ST14: variants seen among roughly 807,000 people sequenced by gnomAD.
ST14 encodes ST14 transmembrane serine protease matriptase.
Under a neutral mutation model 96.5 loss-of-function variants are expected in ST14, and 40 were observed. The observed-to-expected ratio is 0.41, with a 90% CI of 0.32 to 0.54. The LOEUF (loss-of-function observed/expected upper bound fraction) is 0.54, where lower values mean the gene tolerates loss of function less well. Among genes scored for constraint, ST14 ranks in the 20% least tolerant of loss-of-function variants. The pLI, the probability that ST14 is intolerant of heterozygous loss-of-function variation, is 0.17. For synonymous variants in ST14, 506 were observed against 492.1 expected (o/e 1.03, Z -0.37); for missense variants, 1,066 against 1,188.9 (o/e 0.90, Z 1.52).
chr11:130,208,792 C>CT (rs899324646), intron 17 of ST14, 108 bp downstream of exon 17: 30 of 1,377,742 alleles, frequency 2.2e-5, no homozygotes, highest in Non-Finnish European at 2.8e-5. Flanking sequence ...TCCAGTCTCC[C>CT]TCTGCCTGGC....
rs184106928 is a variant in ST14 at position 130,198,465 on chromosome 11, A to G, written c.1571-43A>G. ...CCTGGGCGGGCAGGTGGGCGGGGCGACTGACGGTGGCTCCTGGTGGCTGAG... is the reference window on the plus strand; with the variant it reads ...CCTGGGCGGGCAGGTGGGCGGGGCGGCTGACGGTGGCTCCTGGTGGCTGAG... On this transcript the variant is annotated intron_variant, in intron 13 of 18. Coordinates refer to ENST00000278742, the MANE Select transcript of ST14 (RefSeq NM_021978.4). 5,749 of 1,612,994 alleles carry G rather than the reference A, an allele frequency of 3.6e-3. 25 individuals carry two copies. The highest frequency in any genetic ancestry group is 0.018 in the African/African-American group (1,365 of 75,002).
Position 130,208,394 on chromosome 11 carries a change from C to G in ST14, c.1995-16C>G. On this transcript the variant is annotated splice_polypyrimidine_tract_variant and intron_variant, in intron 16 of 18. Transcript: ENST00000278742. ...CCCGAGTGACCGCGCAGTCTCATAGCGGCTCTCCCTACCAGGTACTCAGAC... is the reference window on the plus strand; with the variant it reads ...CCCGAGTGACCGCGCAGTCTCATAGGGGCTCTCCCTACCAGGTACTCAGAC... 1 of 1,613,882 alleles carries G rather than the reference C, an allele frequency of 6.2e-7. No homozygotes were observed. The highest frequency in any genetic ancestry group is 8.5e-7 in the Non-Finnish European group (1 of 1,180,016).
chr11:130,188,194 C>T lies in ST14; in HGVS notation c.162C>T (p.Arg54=). 1.9e-6 allele frequency: 3 copies of T among 1,614,190 alleles called. No homozygotes were observed. Among genetic ancestry groups the T allele is most frequent in the Non-Finnish European group, 2.5e-6 (3 of 1,180,036 alleles). ...AGGTGGAAAAGCATGGCCCGGGGCG[C>T]TGGGTGGTGCTGGCAGCCGTGCTGA... ...VKKVEKHGPG[R]WVVLAAVLIG... is the part of the protein sequence containing the mutation. The change falls in exon 2 of 19, where the codon CGC becomes CGT. Residue 54 remains arginine (R), a synonymous_variant. Coordinates refer to ENST00000278742, the MANE Select transcript of ST14 (RefSeq NM_021978.4). This position sits in a 1 kb window ranked among gnomAD's most constrained non-coding sequence, Gnocchi z 5.4.
At chr11:130,209,051 T>C (rs987546700) in intron 17 of ST14, among the ~76,000 whole-genome samples, 1 of 152,184 alleles carries the variant, frequency 6.6e-6, no homozygotes, top group Non-Finnish European at 1.5e-5. Context: ...AAATGCTAGA[T>C]TGAAAGAATC....
chr11:130,209,411 G>A (rs765725439), intron 17 of ST14, 31 bp from the exon 18 acceptor site: 2 of 1,565,280 alleles, frequency 1.3e-6, no homozygotes, highest in African/African-American at 2.7e-5. Context: ...GAAGCAGCCC[G>A]GCTCTCAGCC....
At chr11:130,194,017 T>G in intron 7 of ST14, 132 bp from the exon 8 acceptor site, 1 of 1,163,730 alleles carries the variant, frequency 8.6e-7, no homozygotes, top group Admixed American at 1.7e-5. Context: ...TTGACTCCAT[T>G]CTTGGCCTCT....
intron 1 of ST14, among the ~76,000 whole-genome samples, chr11:130,172,016 G>A (rs1443856839): frequency 6.6e-6 from 1 of 152,180 alleles, no homozygotes; most frequent in African/African-American, 2.4e-5. Context: ...CAGATGCTAG[G>A]TGCTTATCAT....
chr11:130,208,332 C>A, intron 16 of ST14, 78 bp from the exon 17 acceptor site: 1 of 1,603,290 alleles, frequency 6.2e-7, no homozygotes, highest in Non-Finnish European at 8.5e-7. Context: ...GCGGAATCCT[C>A]TGGGAACGCG....
chr11:130,162,876 G>A (rs957495553), intron 1 of ST14, among the ~76,000 whole-genome samples: 1 of 152,198 alleles, frequency 6.6e-6, no homozygotes, highest in Non-Finnish European at 1.5e-5. Flanking sequence ...TGTGGTGGCA[G>A]GAGGTAACAT....
chr11:130,208,792 C>A, intron 17 of ST14, 108 bp downstream of exon 17: 1 of 1,377,860 alleles, frequency 7.3e-7, no homozygotes, highest in Non-Finnish European at 9.8e-7. Context: ...TCCAGTCTCC[C>A]TCTGCCTGGC....
At chr11:130,176,932 G>T (rs889363518) in intron 1 of ST14, among the ~76,000 whole-genome samples, 3 of 150,918 alleles carry the variant, frequency 2.0e-5, no homozygotes, top group African/African-American at 7.3e-5. Context: ...CTGAGTAGCT[G>T]GGACTACAGG....
chr11:130,208,656 C>T lies in ST14; in HGVS notation c.2241C>T (p.Val747=). Residue 747 remains valine (V), a synonymous_variant, in exon 17 of 19, where the codon GTC becomes GTT. Transcript: ENST00000278742. The part of the protein sequence containing the change: ...HVFPAGKAIW[V]TGWGHTQYGG... ...TCCCTGCCGGCAAGGCCATCTGGGT[C>T]ACGGGCTGGGGACACACCCAGTATG... 1.9e-6 allele frequency: 3 copies of T among 1,613,848 alleles called. No homozygotes were observed. The highest frequency in any genetic ancestry group is 2.5e-6 in the Non-Finnish European group (3 of 1,179,916).
intron 7 of ST14, among the ~76,000 whole-genome samples, chr11:130,192,075 G>A (rs1168863339): frequency 1.3e-5 from 2 of 152,232 alleles, no homozygotes; most frequent in Non-Finnish European, 2.9e-5. Context: ...CCACGTCAGG[G>A]TGGGGCGTAC....
At chr11:130,199,922 T>C (rs1316301973) in intron 15 of ST14, 29 bp from the exon 16 acceptor site, 1 of 1,613,870 alleles carries the variant, frequency 6.2e-7, no homozygotes, top group South Asian at 1.1e-5. Context: ...CTTGACTTGC[T>C]GTCCTCTGGT....
intron 1 of ST14, among the ~76,000 whole-genome samples, chr11:130,176,623 C>A (rs1953140798): frequency 6.6e-6 from 1 of 151,942 alleles, no homozygotes; most frequent in African/African-American, 2.4e-5. Context: ...CTCCTGACCT[C>A]ATGATCCGCC....
intron 1 of ST14, among the ~76,000 whole-genome samples, chr11:130,162,714 C>T (rs1953006753): frequency 1.3e-5 from 2 of 152,224 alleles, no homozygotes; most frequent in Non-Finnish European, 2.9e-5. Flanking sequence ...AGCCCCTGTC[C>T]TTGGGACCAC....
intron 1 of ST14, among the ~76,000 whole-genome samples, chr11:130,185,759 C>T (rs1953231804): frequency 6.6e-6 from 1 of 152,146 alleles, no homozygotes; most frequent in Admixed American, 6.6e-5. Flanking sequence ...TATCATATTT[C>T]TCAAAAGCAA....
At chr11:130,170,360 C>A (rs780746312) in intron 1 of ST14, among the ~76,000 whole-genome samples, 3 of 152,034 alleles carry the variant, frequency 2.0e-5, no homozygotes, top group Non-Finnish European at 2.9e-5. Flanking sequence ...TTCCATCAAC[C>A]CATCAATTAG....
At chr11:130,176,788 C>CTTTTTTTTT (rs56764956) in intron 1 of ST14, among the ~76,000 whole-genome samples, 1 of 59,256 alleles carries the variant, frequency 1.7e-5, no homozygotes, top group African/African-American at 6.4e-5. Context: ...TAGGGCTTAA[C>CTTTTTTTTT]TTTTTTTTTT....
Sources: gnomAD v4.1 joint callset for allele counts (sites outside exome capture counted in the v4.1 genomes callset) on GRCh38, gnomAD v4.1.1 for gene constraint, Gnocchi (gnomAD v3.1) non-coding constraint, MANE v1.5 for transcripts, NCBI Gene and HGNC (gene_info 2026-07-23, HGNC 2026-07-21) for gene names.